Variants in INTU observed in about 807,000 individuals in gnomAD.
INTU encodes the protein protein inturned.
A neutral mutation model predicts 100.5 loss-of-function variants in INTU; 68 were observed. The ratio of observed to expected loss-of-function variants is 0.68; its 90% CI spans 0.56 to 0.83. The LOEUF is 0.83. Ranked by LOEUF, INTU falls within the 40% of genes least tolerant of loss-of-function variation. INTU has a pLI of 0.00. For missense variants in INTU, 1,071 were observed against 1,114.7 expected, an observed-to-expected ratio of 0.96 and a Z score of 0.56; for synonymous variants, 357 against 395.7, an observed-to-expected ratio of 0.90 and a Z score of 1.16.
chr4:127,703,931 G>A (rs1048610933), intron 9 of INTU, among the ~76,000 whole-genome samples: 1 of 152,062 alleles, frequency 6.6e-6, no homozygotes, highest in African/African-American at 2.4e-5. Context: ...TAGAGTAAAA[G>A]TTTTTTGTCC....
intron 8 of INTU, among the ~76,000 whole-genome samples, chr4:127,699,662 A>G (rs1449774483): frequency 2.0e-5 from 3 of 152,252 alleles, no homozygotes; most frequent in Admixed American, 2.0e-4. Flanking sequence ...TTAATTTCTA[A>G]CTTAAAACTG....
chr4:127,691,480 T>C (rs769734528), intron 8 of INTU, among the ~76,000 whole-genome samples: 7 of 152,194 alleles, frequency 4.6e-5, no homozygotes, highest in African/African-American at 7.2e-5. Context: ...TTCTGTCTCA[T>C]TGTTATTTTA....
chr4:127,641,901 C>T (rs1299736357), intron 1 of INTU, among the ~76,000 whole-genome samples: 2 of 152,140 alleles, frequency 1.3e-5, no homozygotes, highest in Non-Finnish European at 2.9e-5. Context: ...GAATCATCTT[C>T]ATATTTAGTA....
At position 127,706,907 on chromosome 4, in the gene INTU, G is replaced by A. The variant is rs1220546714; in HGVS notation, c.2209G>A (p.Val737Ile). Reference sequence around the variant, plus strand: ...TAGCCCCCATACTACACCGGATGCAGTACGGAAGCAAAGAGAATCTCAGGG... The same window carrying A: ...TAGCCCCCATACTACACCGGATGCAATACGGAAGCAAAGAGAATCTCAGGG... Reference protein sequence around the residue: ...GFSPHTTPDAVRKQRESQGSD... With the variant: ...GFSPHTTPDAIRKQRESQGSD... The change falls in exon 12 of 16, where the codon GTA becomes ATA. Residue 737 changes from valine (V) to isoleucine (I), a missense_variant. Val to Ile is a conservative substitution (Grantham distance 29). Transcript: ENST00000335251. 4.3e-6 allele frequency: 7 copies of A among 1,614,082 alleles called. No individual in the cohort carries two copies. The highest frequency in any genetic ancestry group is 3.3e-4 in the Middle Eastern group (2 of 6,056).
intron 6 of INTU, among the ~76,000 whole-genome samples, chr4:127,681,655 A>T (rs1479799587): frequency 6.6e-6 from 1 of 152,236 alleles, no homozygotes; most frequent in Non-Finnish European, 1.5e-5. Context: ...AAACCCTAGA[A>T]GAAAACCTAG....
At chr4:127,687,419 A>T (rs1729874273) in intron 7 of INTU, 1 of 219,912 alleles carries the variant, frequency 4.5e-6, no homozygotes. Context: ...TAAATATGTC[A>T]CTTGTGTTAG....
chr4:127,636,256 A>C (rs922496137), intron 1 of INTU, among the ~76,000 whole-genome samples: 7 of 151,440 alleles, frequency 4.6e-5, no homozygotes, highest in Admixed American at 1.3e-4. Context: ...GTGACAGCAA[A>C]ATTTTGTCTG....
chr4:127,716,092 T>C (rs1731253274), intron 15 of INTU, among the ~76,000 whole-genome samples: 1 of 152,152 alleles, frequency 6.6e-6, no homozygotes, highest in African/African-American at 2.4e-5. Context: ...ATAATACATA[T>C]TGATAAAATA....
At chr4:127,688,602 C>T in intron 8 of INTU, among the ~76,000 whole-genome samples, 1 of 152,172 alleles carries the variant, frequency 6.6e-6, no homozygotes, top group Middle Eastern at 3.2e-3. Context: ...CTTCATAAGA[C>T]TCTACAATGT....
intron 6 of INTU, among the ~76,000 whole-genome samples, chr4:127,682,032 T>G (rs1729587909): frequency 6.9e-6 from 1 of 144,890 alleles, no homozygotes; most frequent in Non-Finnish European, 1.5e-5. Flanking sequence ...ATCAGAGAAA[T>G]GCAAATCAAA....
Position 127,714,051 on chromosome 4 carries a change from A to C in INTU, c.2675A>C (p.Asp892Ala), listed in dbSNP as rs1731180018. ...LFECSPGNWT[D>A]QKKAPPVMAY... ...GAATGTTCACCTGGAAACTGGACTG[A>C]TCAGAAAAAAGCACCACCAGTTATG... The change falls in exon 15 of 16, where the codon GAT becomes GCT. Residue 892 changes from aspartate (D) to alanine (A), a missense_variant. Coordinates refer to ENST00000335251, the MANE Select transcript of INTU (RefSeq NM_015693.4). The C allele has an allele frequency of 6.2e-7, 1 of 1,613,554 alleles. No homozygotes were observed. The highest frequency in any genetic ancestry group is 8.5e-7 in the Non-Finnish European group (1 of 1,179,832).
chr4:127,678,016 A>T (rs1388115093), intron 6 of INTU, among the ~76,000 whole-genome samples: 1 of 152,216 alleles, frequency 6.6e-6, no homozygotes, highest in Non-Finnish European at 1.5e-5. Context: ...GGAAGATGAA[A>T]TGAATGAAAT....
intron 8 of INTU, among the ~76,000 whole-genome samples, chr4:127,696,146 T>C (rs908127462): frequency 2.6e-5 from 4 of 151,960 alleles, no homozygotes; most frequent in Non-Finnish European, 5.9e-5. Context: ...TGGCCTGTCA[T>C]TTTTTTTGTT....
At chr4:127,676,606 A>AAT (rs1729201939) in intron 6 of INTU, among the ~76,000 whole-genome samples, 2 of 144,994 alleles carry the variant, frequency 1.4e-5, no homozygotes, top group African/African-American at 5.3e-5. Flanking sequence ...AAAAAGAGAG[A>AAT]GAGAGGTGGG....
rs1731068502 is a variant in INTU, at chr4:127,710,905, T to C, written c.2370-8T>C. On this transcript the variant is annotated splice_polypyrimidine_tract_variant and splice_region_variant and intron_variant, in intron 13 of 15. Coordinates refer to ENST00000335251, the MANE Select transcript of INTU (RefSeq NM_015693.4). ...TTTTTCTTCTCTTTGATTTTTTTTCTTTTTAAGACTGACATCTGGTCCTGA... is the reference window on the plus strand; with the variant it reads ...TTTTTCTTCTCTTTGATTTTTTTTCCTTTTAAGACTGACATCTGGTCCTGA... 2 of 1,412,924 alleles carry C rather than the reference T, an allele frequency of 1.4e-6. No individual in the cohort carries two copies. Among genetic ancestry groups the C allele is most frequent in the African/African-American group, 1.4e-5 (1 of 69,692 alleles). 87.5% of individuals were successfully genotyped at this position (1,412,924 alleles called of 1,614,324 possible).
intron 10 of INTU, 71 bp downstream of exon 10, chr4:127,704,361 A>C: frequency 9.2e-7 from 1 of 1,084,536 alleles, no homozygotes; most frequent in Non-Finnish European, 1.4e-6. Context: ...AACTTTTACA[A>C]ACATGAAAAA....
Position 127,643,729 on chromosome 4 carries a change from A to G in INTU, c.355A>G (p.Arg119Gly). 1.2e-6 allele frequency: 2 copies of G among 1,608,994 alleles called. No individual in the cohort carries two copies. Among genetic ancestry groups the G allele is most frequent in the East Asian group, 2.2e-5 (1 of 44,856 alleles). The part of the protein sequence containing the change: ...PKLKQFTKIL[R>G]RKRLLPKRCN... ...ACTCAAGCAGTTTACCAAAATTTTAAGAAGGAAAAGACTTTTACCCAAGCG... is the reference window on the plus strand; with the variant it reads ...ACTCAAGCAGTTTACCAAAATTTTAGGAAGGAAAAGACTTTTACCCAAGCG... The change falls in exon 2 of 16, where the codon AGA becomes GGA. Residue 119 changes from arginine to glycine, a missense_variant. Arg to Gly is a moderately radical substitution (Grantham distance 125). Transcript: ENST00000335251.
At chr4:127,669,918 C>T (rs1728849000) in intron 5 of INTU, among the ~76,000 whole-genome samples, 1 of 151,758 alleles carries the variant, frequency 6.6e-6, no homozygotes, top group African/African-American at 2.4e-5. Context: ...TGACTAAGAC[C>T]TCAAAAGCAA....
chr4:127,640,003 G>A (rs1417135139), intron 1 of INTU, among the ~76,000 whole-genome samples: 4 of 152,064 alleles, frequency 2.6e-5, no homozygotes, highest in African/African-American at 2.4e-5. Flanking sequence ...GCAGTGCCTC[G>A]CTTTGCTTCT....
Sources: allele counts gnomAD v4.1 joint callset (sites outside exome capture counted in the v4.1 genomes callset), GRCh38; gene constraint gnomAD v4.1.1; transcripts MANE v1.5; gene names NCBI Gene and HGNC (gene_info 2026-07-23, HGNC 2026-07-21).